Variants in AUTS2 observed in about 807,000 individuals in gnomAD.
The protein encoded by AUTS2 is autism susceptibility gene 2 protein.
A neutral mutation model predicts 112.4 loss-of-function variants in AUTS2; 17 were observed. The ratio of observed to expected loss-of-function variants is 0.15; its 90% CI spans 0.10 to 0.23. The LOEUF (loss-of-function observed/expected upper bound fraction) is 0.23, where lower values mean the gene tolerates loss of function less well. Ranked by LOEUF, AUTS2 falls within the 10% of genes least tolerant of loss-of-function variation. AUTS2 has a pLI of 1.00. For synonymous variants in AUTS2, 751 were observed against 702.7 expected (o/e 1.07, Z -1.09); for missense variants, 1,510 against 1,701.6 (o/e 0.89, Z 1.98).
chr7:69,866,732 A>G (rs1793251851), intron 1 of AUTS2, among the ~76,000 whole-genome samples: 1 of 152,236 alleles, frequency 6.6e-6, no homozygotes, highest in Non-Finnish European at 1.5e-5. Flanking sequence ...TAGAAAGGTA[A>G]GAGCCTAGGG....
Position 69,917,665 on chromosome 7 carries a change from C to G in AUTS2, c.522+18167C>G, listed in dbSNP as rs572582260. Reference sequence around the variant, plus strand: ...TTTTGTCCCTCACTCCCCTCTCACTCTGCCCTCTTCTGAGTCTCCAGTGTC... The same window carrying G: ...TTTTGTCCCTCACTCCCCTCTCACTGTGCCCTCTTCTGAGTCTCCAGTGTC... On this transcript the variant is annotated intron_variant, in intron 2 of 18. Transcript: ENST00000342771. 1.1e-4 allele frequency among the ~76,000 whole-genome samples: 16 copies of G among 152,272 alleles called. No individual in the cohort carries two copies. The South Asian group carries it at 3.1e-3, about 30-fold the overall frequency.
chr7:69,771,928 G>A (rs987088404), intron 1 of AUTS2, among the ~76,000 whole-genome samples: 1 of 151,976 alleles, frequency 6.6e-6, no homozygotes, highest in Non-Finnish European at 1.5e-5. Flanking sequence ...GGGATTACAG[G>A]CATGCACCAC....
At position 70,182,819 on chromosome 7, in the gene AUTS2, GGATT is replaced by G. The variant is rs374211441; in HGVS notation, c.660+48251_660+48254del. ...AAAAGACCATATTCTCACCTTAGTAGGATTGAACTAAAGCATACTTAAACCAGCT... is the reference window on the plus strand; with the variant it reads ...AAAAGACCATATTCTCACCTTAGTAGGAACTAAAGCATACTTAAACCAGCT... On this transcript the variant is annotated intron_variant, in intron 4 of 18. Transcript: ENST00000342771. Among the ~76,000 whole-genome samples, 4 of 151,972 alleles carry G rather than the reference GGATT, an allele frequency of 2.6e-5. No homozygotes were observed. The East Asian group carries it at 7.7e-4, about 29-fold the overall frequency.
chr7:69,689,844 A>G (rs571221315), intron 1 of AUTS2, among the ~76,000 whole-genome samples: 1 of 146,718 alleles, frequency 6.8e-6, no homozygotes, highest in African/African-American at 2.5e-5. Flanking sequence ...TGCCCGGCTT[A>G]ATTTTGTATT....
At chr7:70,496,756 C>T (rs1324299423) in intron 5 of AUTS2, among the ~76,000 whole-genome samples, 96 of 138,514 alleles carry the variant, frequency 6.9e-4, no homozygotes, top group Admixed American at 8.7e-4. Flanking sequence ...CGATCACACA[C>T]CCCACTCACA....
At chr7:70,689,408 TAGG>T (rs1243887328) in intron 5 of AUTS2, among the ~76,000 whole-genome samples, 3 of 151,482 alleles carry the variant, frequency 2.0e-5, no homozygotes, top group Non-Finnish European at 4.4e-5. Flanking sequence ...ACACCCTTAT[TAGG>T]AGACCCAAGC....
intron 2 of AUTS2, among the ~76,000 whole-genome samples, chr7:69,994,751 A>G (rs1457462109): frequency 6.6e-6 from 1 of 152,220 alleles, no homozygotes; most frequent in Non-Finnish European, 1.5e-5. Context: ...TAGGCTCCCC[A>G]GGTACACTTT....
chr7:69,871,907 T>C (rs1368906141), intron 1 of AUTS2, among the ~76,000 whole-genome samples: 2 of 152,156 alleles, frequency 1.3e-5, no homozygotes, highest in African/African-American at 4.8e-5. Flanking sequence ...GGGACTGCTG[T>C]ACTCTGATTT....
intron 5 of AUTS2, among the ~76,000 whole-genome samples, chr7:70,538,683 A>G (rs1300059093): frequency 1.3e-5 from 2 of 152,194 alleles, no homozygotes; most frequent in Non-Finnish European, 2.9e-5. Context: ...TGGTTCTTGC[A>G]TGGTTAATGT....
chr7:70,627,567 A>C (rs528516480), intron 5 of AUTS2, among the ~76,000 whole-genome samples: 1 of 152,224 alleles, frequency 6.6e-6, no homozygotes, highest in African/African-American at 2.4e-5. Flanking sequence ...TCATTATTCC[A>C]TCTCTGCCAA....
chr7:69,829,624 A>G lies in AUTS2; in HGVS notation c.310-69662A>G, dbSNP rs1372849706. On this transcript the variant is annotated intron_variant, in intron 1 of 18. Coordinates refer to ENST00000342771, the MANE Select transcript of AUTS2 (RefSeq NM_015570.4). ...GAAGACATTTATGCGGCCAAAAAAC[A>G]TATGAAAAAAAGCCCAACATCACTG... is the stretch of plus-strand genomic sequence containing the variant. 2.6e-5 allele frequency among the ~76,000 whole-genome samples: 4 copies of G among 152,346 alleles called. No homozygotes were observed. In the East Asian group the frequency reaches 7.7e-4, roughly 29 times the overall value.
At position 70,228,967 on chromosome 7, in the gene AUTS2, A is replaced by G. The variant is rs144651646; in HGVS notation, c.660+94396A>G. On this transcript the variant is annotated intron_variant, in intron 4 of 18. Coordinates refer to ENST00000342771, the MANE Select transcript of AUTS2 (RefSeq NM_015570.4). ...TGGAATTGATTTATGGCTTGGTAGC[A>G]TTTCTTTGGCACACATAACTATATT... is the stretch of plus-strand genomic sequence containing the variant. 6.3e-3 allele frequency among the ~76,000 whole-genome samples: 953 copies of G among 151,952 alleles called. 10 individuals are homozygous for G. Among genetic ancestry groups the G allele is most frequent in the African/African-American group, 0.022 (907 of 41,526 alleles).
intron 6 of AUTS2, among the ~76,000 whole-genome samples, chr7:70,746,996 T>C (rs1788493798): frequency 6.6e-6 from 1 of 152,098 alleles, no homozygotes; most frequent in Non-Finnish European, 1.5e-5. Context: ...CAATGGATGC[T>C]GTGATTCTGA....
intron 6 of AUTS2, among the ~76,000 whole-genome samples, chr7:70,700,567 G>A (rs192084010): frequency 1.3e-5 from 2 of 151,836 alleles, no homozygotes; most frequent in South Asian, 2.1e-4. Flanking sequence ...CTGGTATCCC[G>A]CACCCCCTTT....
chr7:70,226,360 A>ATT (rs34184657), intron 4 of AUTS2, among the ~76,000 whole-genome samples: 289 of 136,394 alleles, frequency 2.1e-3, no homozygotes, highest in Non-Finnish European at 3.4e-3. Context: ...TGCCCGGCTA[A>ATT]TTTTTTTTTT....
intron 5 of AUTS2, among the ~76,000 whole-genome samples, chr7:70,448,738 T>C (rs1175339958): frequency 6.6e-6 from 1 of 152,180 alleles, no homozygotes; most frequent in East Asian, 1.9e-4. Flanking sequence ...CCCTCACCCC[T>C]TTACTGGACG....
chr7:69,859,858 T>C (rs1344138152), intron 1 of AUTS2, among the ~76,000 whole-genome samples: 1 of 152,148 alleles, frequency 6.6e-6, no homozygotes, highest in African/African-American at 2.4e-5. Flanking sequence ...GAACTCTAAA[T>C]TACAGAGTTT....
At chr7:70,730,862 C>T (rs918198036) in intron 6 of AUTS2, among the ~76,000 whole-genome samples, 1 of 152,330 alleles carries the variant, frequency 6.6e-6, no homozygotes, top group African/African-American at 2.4e-5. Flanking sequence ...GTTTTTCATT[C>T]CCACCAACAG....
intron 4 of AUTS2, among the ~76,000 whole-genome samples, chr7:70,417,009 G>T (rs1258673197): frequency 6.6e-6 from 1 of 152,182 alleles, no homozygotes; most frequent in South Asian, 2.1e-4. Context: ...CGGTCTCAGT[G>T]GTGGGCCAGC....
Sources: gnomAD v4.1 joint callset for allele counts (sites outside exome capture counted in the v4.1 genomes callset) on GRCh38, gnomAD v4.1.1 for gene constraint, MANE v1.5 for transcripts, NCBI Gene and HGNC (gene_info 2026-07-23, HGNC 2026-07-21) for gene names.